The following FER variants were observed in gnomAD, a reference collection of about 807,000 sequenced individuals.
The protein encoded by FER is tyrosine-protein kinase Fer.
A neutral mutation model predicts 111.0 loss-of-function variants in FER; 63 were observed. The ratio of observed to expected loss-of-function variants is 0.57; its 90% CI spans 0.46 to 0.70. The LOEUF is 0.70. Among genes scored for constraint, FER ranks in the 30% least tolerant of loss-of-function variants. The pLI is 0.00. For synonymous variants in FER, 327 were observed against 313.9 expected (o/e 1.04, Z -0.44); for missense variants, 914 against 954.0 (o/e 0.96, Z 0.55).
At chr5:108,768,042 A>C (rs1752514191) in intron 1 of FER, 51 bp from the exon 2 acceptor site, 1 of 152,188 alleles carries the variant, frequency 6.6e-6, no homozygotes, top group Admixed American at 6.5e-5. Context: ...GTACATTTTT[A>C]TCTCTTTCTC....
chr5:108,949,504 T>C (rs1581352616), intron 11 of FER, among the ~76,000 whole-genome samples: 2 of 152,258 alleles, frequency 1.3e-5, no homozygotes, highest in Middle Eastern at 3.4e-3. Flanking sequence ...TCACTTGCAG[T>C]ATTACATGTA....
chr5:109,137,201 T>G (rs1752989581), intron 17 of FER, among the ~76,000 whole-genome samples: 1 of 152,130 alleles, frequency 6.6e-6, no homozygotes, highest in Admixed American at 6.6e-5. Context: ...CATGAAAGGA[T>G]TTTTTTCTAC....
intron 17 of FER, among the ~76,000 whole-genome samples, chr5:109,141,851 A>G (rs1017587956): frequency 2.6e-5 from 4 of 152,176 alleles, no homozygotes; most frequent in Non-Finnish European, 4.4e-5. Flanking sequence ...CCAAACTTCC[A>G]ATTCTATTTG....
intron 17 of FER, among the ~76,000 whole-genome samples, chr5:109,125,471 G>A (rs1344116839): frequency 7.9e-5 from 12 of 152,172 alleles, no homozygotes; most frequent in Non-Finnish European, 1.6e-4. Context: ...TAAGTTCACT[G>A]TCTCTTCCTA....
At chr5:108,858,540 T>C (rs1422239726) in intron 5 of FER, among the ~76,000 whole-genome samples, 6 of 152,224 alleles carry the variant, frequency 3.9e-5, no homozygotes, top group Middle Eastern at 3.4e-3. Context: ...CATTTTATTT[T>C]CCCCCCTCCC....
chr5:108,806,070 T>A (rs1002596956), intron 3 of FER, among the ~76,000 whole-genome samples: 2 of 151,996 alleles, frequency 1.3e-5, no homozygotes, highest in African/African-American at 4.8e-5. Flanking sequence ...AAGCCCAGGG[T>A]CCCTGTGTTA....
chr5:108,752,441 A>C (rs1750607767), intron 1 of FER, among the ~76,000 whole-genome samples: 1 of 152,068 alleles, frequency 6.6e-6, no homozygotes, highest in South Asian at 2.1e-4. Flanking sequence ...TCACATCAAA[A>C]TTTGTAAGAG....
rs1759741241 is a variant in FER, at chr5:109,196,287, G to A, written c.*8712G>A. On this transcript the variant is annotated 3_prime_UTR_variant, in exon 20 of 20. Coordinates refer to ENST00000281092, the MANE Select transcript of FER (RefSeq NM_005246.4). ...GTTTGAGATGATGGAGTAGGAGTGGGGCCCTCAGGCACTTCTGGTAAAGAC... is the reference window on the plus strand; with the variant it reads ...GTTTGAGATGATGGAGTAGGAGTGGAGCCCTCAGGCACTTCTGGTAAAGAC... 1 of 152,170 alleles carries A rather than the reference G, an allele frequency of 6.6e-6. No homozygotes were observed. Among genetic ancestry groups the A allele is most frequent in the Non-Finnish European group, 1.5e-5 (1 of 68,034 alleles). 9.4% of individuals were successfully genotyped at this position (152,170 alleles called of 1,614,324 possible). A position where few individuals can be genotyped will look rare whatever the true frequency, so the allele number is the denominator to read the frequency against.
chr5:109,140,192 CAAAT>C (rs1466298124), intron 17 of FER, among the ~76,000 whole-genome samples: 2 of 152,028 alleles, frequency 1.3e-5, no homozygotes, highest in African/African-American at 4.8e-5. Context: ...GCTCTTAATT[CAAAT>C]AAAGCTTTAA....
At chr5:109,111,240 A>G (rs1749584667) in intron 17 of FER, among the ~76,000 whole-genome samples, 1 of 152,146 alleles carries the variant, frequency 6.6e-6, no homozygotes, top group African/African-American at 2.4e-5. Context: ...AACACAGGTA[A>G]TTATTATTTA....
At chr5:109,183,957 T>C (rs1285575446) in intron 18 of FER, among the ~76,000 whole-genome samples, 1 of 152,164 alleles carries the variant, frequency 6.6e-6, no homozygotes, top group Admixed American at 6.5e-5. Context: ...TTCTCATAAG[T>C]GGCTGAGAAA....
intron 17 of FER, among the ~76,000 whole-genome samples, chr5:109,147,991 A>G (rs1192698322): frequency 2.0e-5 from 3 of 152,048 alleles, no homozygotes; most frequent in Non-Finnish European, 4.4e-5. Flanking sequence ...TTTTTGAATT[A>G]CATGTCACTC....
chr5:109,140,804 T>G (rs1753441561), intron 17 of FER, among the ~76,000 whole-genome samples: 2 of 152,116 alleles, frequency 1.3e-5, no homozygotes. Flanking sequence ...CATAATGAAT[T>G]GGGAGGGAAG....
intron 17 of FER, among the ~76,000 whole-genome samples, chr5:109,151,898 C>A (rs1463448099): frequency 6.6e-6 from 1 of 152,210 alleles, no homozygotes; most frequent in Admixed American, 6.6e-5. Context: ...ATTTTTAGCT[C>A]CACAAAGATG....
intron 5 of FER, among the ~76,000 whole-genome samples, chr5:108,840,926 T>C (rs1048760023): frequency 1.3e-5 from 2 of 152,110 alleles, no homozygotes; most frequent in Non-Finnish European, 2.9e-5. Context: ...CAACCTTCTA[T>C]CCAATGGCTT....
chr5:108,959,299 G>A lies in FER; in HGVS notation c.1608G>A (p.Gln536=), dbSNP rs756360248. ...TAGATCATCACTATACAACAAAACA[G>A]GTCATCACTAAGAAATCAGGTGTAG... The part of the protein sequence containing the change: ...QLIDHHYTTK[Q]VITKKSGVVL... Residue 536 remains glutamine, a synonymous_variant, in exon 13 of 20, where the codon CAG becomes CAA. Transcript: ENST00000281092. 33 of 1,611,652 alleles carry A rather than the reference G, an allele frequency of 2.0e-5. No homozygotes were observed. The highest frequency in any genetic ancestry group is 2.6e-5 in the Non-Finnish European group (31 of 1,178,624).
intron 16 of FER, among the ~76,000 whole-genome samples, chr5:109,059,999 G>T (rs1158464873): frequency 1.3e-5 from 2 of 151,952 alleles, no homozygotes; most frequent in Non-Finnish European, 2.9e-5. Flanking sequence ...AAACAATGAA[G>T]AAAAATGAGC....
chr5:108,871,552 A>G, intron 7 of FER, 50 bp downstream of exon 7: 1 of 1,388,350 alleles, frequency 7.2e-7, no homozygotes, highest in Non-Finnish European at 9.8e-7. Flanking sequence ...ATTATTTTTC[A>G]TTCATACAAT....
At chr5:109,060,545 G>C (rs551756100) in intron 16 of FER, among the ~76,000 whole-genome samples, 1 of 152,010 alleles carries the variant, frequency 6.6e-6, no homozygotes, top group Non-Finnish European at 1.5e-5. Flanking sequence ...TTAGCTGGGC[G>C]TGGTGGTGTG....
Sources: gnomAD v4.1 joint callset for allele counts (sites outside exome capture counted in the v4.1 genomes callset) on GRCh38, gnomAD v4.1.1 for gene constraint, MANE v1.5 for transcripts, NCBI Gene and HGNC (gene_info 2026-07-23, HGNC 2026-07-21) for gene names.